PPP1R1C: variants seen among roughly 807,000 people sequenced by gnomAD.
The protein encoded by PPP1R1C is protein phosphatase 1 regulatory inhibitor subunit 1C.
PPP1R1C carries 15 observed loss-of-function variants against 17.4 expected under a neutral mutation model. That is an observed-to-expected ratio of 0.86 (90% CI 0.58 to 1.33). The LOEUF (loss-of-function observed/expected upper bound fraction) is 1.33. PPP1R1C is among the 40% of genes most tolerant of loss of function. The probability of loss-of-function intolerance (pLI) is 0.00; values close to 1 mark genes in which losing one functional copy is unlikely to be tolerated. For synonymous variants in PPP1R1C, 35 were observed against 43.1 expected (o/e 0.81, Z 0.73); for missense variants, 143 against 130.0 (o/e 1.10, Z -0.48).
upstream of PPP1R1C, among the ~76,000 whole-genome samples, chr2:181,983,430 G>A (rs1172523259): frequency 6.6e-6 from 1 of 152,060 alleles, no homozygotes; most frequent in Non-Finnish European, 1.5e-5. Context: ...CTGGCACATG[G>A]TATCATATAA....
intron 2 of PPP1R1C, among the ~76,000 whole-genome samples, chr2:182,000,569 A>G (rs1400156947): frequency 6.6e-6 from 1 of 152,152 alleles, no homozygotes; most frequent in Non-Finnish European, 1.5e-5. Context: ...CTGAAAAACA[A>G]CTTTTAGCAA....
intron 4 of PPP1R1C, among the ~76,000 whole-genome samples, chr2:182,072,679 GA>G (rs1688174909): frequency 6.6e-6 from 1 of 152,108 alleles, no homozygotes. Flanking sequence ...CTAAAATACA[GA>G]GACCATGCAA....
intron 5 of PPP1R1C, among the ~76,000 whole-genome samples, chr2:182,126,179 T>C (rs897339224): frequency 6.6e-6 from 1 of 152,052 alleles, no homozygotes; most frequent in African/African-American, 2.4e-5. Flanking sequence ...TTAAAAGTCT[T>C]TATATGTTTT....
At chr2:182,035,742 C>T (rs1346240361) in intron 2 of PPP1R1C, among the ~76,000 whole-genome samples, 2 of 152,130 alleles carry the variant, frequency 1.3e-5, no homozygotes, top group African/African-American at 4.8e-5. Context: ...TTTCCCGAGG[C>T]CTCCTCAGCC....
intron 4 of PPP1R1C, among the ~76,000 whole-genome samples, chr2:182,085,969 A>G (rs1688616673): frequency 6.6e-6 from 1 of 152,196 alleles, no homozygotes; most frequent in Non-Finnish European, 1.5e-5. Context: ...TGATATCACA[A>G]AATAACACAG....
chr2:182,026,949 G>A (rs1248442716), intron 2 of PPP1R1C, among the ~76,000 whole-genome samples: 2 of 127,160 alleles, frequency 1.6e-5, no homozygotes, highest in African/African-American at 3.0e-5. Context: ...TGGATTCCTA[G>A]GTATTTTATT....
intron 2 of PPP1R1C, among the ~76,000 whole-genome samples, chr2:182,010,958 C>T (rs1390037735): frequency 1.3e-5 from 2 of 152,108 alleles, no homozygotes; most frequent in African/African-American, 2.4e-5. Context: ...ATTCTTGCAT[C>T]CCTGGGATAA....
chr2:182,062,222 A>G (rs1687870883), intron 3 of PPP1R1C, among the ~76,000 whole-genome samples: 1 of 152,150 alleles, frequency 6.6e-6, no homozygotes, highest in African/African-American at 2.4e-5. Context: ...AAAATATCAA[A>G]TAGTATATCA....
At chr2:182,027,914 T>TCAACTA (rs1193862221) in intron 2 of PPP1R1C, among the ~76,000 whole-genome samples, 1 of 130,894 alleles carries the variant, frequency 7.6e-6, no homozygotes, top group Admixed American at 7.9e-5. Context: ...ATTCAGAGAT[T>TCAACTA]CAACTACTTC....
intron 5 of PPP1R1C, among the ~76,000 whole-genome samples, chr2:182,125,053 T>A (rs1327762776): frequency 6.6e-6 from 1 of 152,208 alleles, no homozygotes; most frequent in East Asian, 1.9e-4. Flanking sequence ...ATAGCTCTTA[T>A]TATTTTGAGA....
At chr2:182,058,589 T>G (rs925135359) in intron 2 of PPP1R1C, among the ~76,000 whole-genome samples, 2 of 152,138 alleles carry the variant, frequency 1.3e-5, no homozygotes, top group African/African-American at 2.4e-5. Context: ...AACAAACTTA[T>G]GAGAAAATGA....
At chr2:182,124,876 A>G (rs1689836587) in intron 5 of PPP1R1C, among the ~76,000 whole-genome samples, 1 of 152,076 alleles carries the variant, frequency 6.6e-6, no homozygotes, top group Non-Finnish European at 1.5e-5. Context: ...TCCTATTTTA[A>G]TACCCTTTAT....
At chr2:182,001,334 T>C (rs1463125787) in intron 2 of PPP1R1C, among the ~76,000 whole-genome samples, 3 of 152,174 alleles carry the variant, frequency 2.0e-5, no homozygotes, top group African/African-American at 7.2e-5. Flanking sequence ...TAGAGGACAA[T>C]TGAAAGACTG....
In PPP1R1C at chr2:181,997,265, A is replaced by C. The variant is rs543373206; in HGVS notation, c.142+9366A>C. 9.9e-5 allele frequency among the ~76,000 whole-genome samples: 15 copies of C among 152,106 alleles called. No individual in the cohort carries two copies. The East Asian group carries it at 2.9e-3, about 29-fold the overall frequency. On this transcript the variant is annotated intron_variant, in intron 2 of 4. Coordinates refer to ENST00000682840, the MANE Select transcript of PPP1R1C (RefSeq NM_001080545.3). ...AAAAAAGAAAAGAAGACATATACACAAATATTTACATGCATGAACACACGT... is the reference window on the plus strand; with the variant it reads ...AAAAAAGAAAAGAAGACATATACACCAATATTTACATGCATGAACACACGT...
intron 2 of PPP1R1C, among the ~76,000 whole-genome samples, chr2:182,024,231 C>G (rs916764876): frequency 2.0e-5 from 3 of 152,156 alleles, no homozygotes; most frequent in Non-Finnish European, 4.4e-5. Flanking sequence ...AGCTGTGATA[C>G]AAACAGTATT....
intron 2 of PPP1R1C, among the ~76,000 whole-genome samples, chr2:182,022,167 C>A (rs755805959): frequency 2.6e-5 from 4 of 152,150 alleles, no homozygotes; most frequent in African/African-American, 7.2e-5. Flanking sequence ...ATTAAAGAAA[C>A]CACTACATGC....
chr2:182,042,378 G>A (rs1687211445), intron 2 of PPP1R1C, among the ~76,000 whole-genome samples: 2 of 152,182 alleles, frequency 1.3e-5, no homozygotes, highest in Non-Finnish European at 2.9e-5. Context: ...CAGAAAGCAA[G>A]AATAAGTGAG....
In PPP1R1C at chr2:181,962,899, G is replaced by A. The variant is rs528862151; in HGVS notation, n.111+8265G>A. ...TTTGTCTGCAGGACACATTTGAGAG[G>A]GGGGATCTCTGAAGTAGGAGTTCAG... is the stretch of plus-strand genomic sequence containing the variant. On this transcript the variant is annotated intron_variant and non_coding_transcript_variant, in intron 1 of 5. Transcript: ENST00000464264. This position sits in a 1 kb window ranked among gnomAD's most constrained non-coding sequence, Gnocchi z 6.0. Among the ~76,000 whole-genome samples the A allele has an allele frequency of 6.6e-6, 1 of 152,108 alleles. No homozygotes were observed. The highest frequency in any genetic ancestry group is 1.5e-5 in the Non-Finnish European group (1 of 68,006).
Position 182,026,733 on chromosome 2 carries a change from A to C in PPP1R1C, c.143-34709A>C, listed in dbSNP as rs926137991. 2.3e-3 allele frequency among the ~76,000 whole-genome samples: 348 copies of C among 151,866 alleles called. 3 individuals carry two copies. In the East Asian group the frequency reaches 0.029, roughly 13 times the overall value. The stretch of plus-strand genomic sequence containing the variant: ...CATATGAACTTTAAAGTAGTTTTTT[A>C]CAATTCTGTGAAGAAAGTCATTGGT... On this transcript the variant is annotated intron_variant, in intron 2 of 4. Coordinates refer to ENST00000682840, the MANE Select transcript of PPP1R1C (RefSeq NM_001080545.3).
Sources: gnomAD v4.1 joint callset for allele counts (sites outside exome capture counted in the v4.1 genomes callset) on GRCh38, gnomAD v4.1.1 for gene constraint, Gnocchi (gnomAD v3.1) non-coding constraint, MANE v1.5 for transcripts, NCBI Gene and HGNC (gene_info 2026-07-23, HGNC 2026-07-21) for gene names.